Variants in SLC19A1 observed in about 807,000 individuals in gnomAD.
The protein encoded by SLC19A1 is reduced folate transporter.
In SLC19A1, 37 loss-of-function variants were observed where a neutral mutation model predicts 35.3. The ratio of observed to expected loss-of-function variants is 1.05; its 90% CI spans 0.81 to 1.38. The LOEUF is 1.38. Ranked by LOEUF, SLC19A1 falls within the 40% of genes most tolerant of loss-of-function variation. SLC19A1 has a pLI of 0.00. For synonymous variants in SLC19A1, 460 were observed against 398.5 expected, an observed-to-expected ratio of 1.15 and a Z score of -1.84; for missense variants, 831 against 826.9, an observed-to-expected ratio of 1.00 and a Z score of -0.06.
At chr21:45,509,991 G>T, downstream of SLC19A1, 1 of 1,498,750 alleles carries the variant, frequency 6.7e-7, no homozygotes, top group Admixed American at 2.0e-5. Flanking sequence ...TGCGGGGCCG[G>T]GGTGGTGCGC....
At chr21:45,507,573 A>C, downstream of SLC19A1, 1 of 1,613,050 alleles carries the variant, frequency 6.2e-7, no homozygotes, top group Non-Finnish European at 8.5e-7. Flanking sequence ...GGAGGCCCGG[A>C]CACCACTCCC....
In SLC19A1 at chr21:45,530,679, G is replaced by A. The variant is rs2077841685; in HGVS notation, c.1151+91C>T. ...GGGCCAGCAGTGGCACAGCCGCTGG[G>A]GCGCAGCAGGAAGGTGGGAGCACCC... is the stretch of plus-strand genomic sequence containing the variant. On this transcript the variant is annotated intron_variant, in intron 4 of 5. Coordinates refer to ENST00000311124, the MANE Select transcript of SLC19A1 (RefSeq NM_194255.4). The surrounding 1 kb of genome is among the most constrained non-coding windows in gnomAD (Gnocchi z 5.3). 1 of 1,349,938 alleles carries A rather than the reference G, an allele frequency of 7.4e-7. No individual in the cohort carries two copies. Among genetic ancestry groups the A allele is most frequent in the Non-Finnish European group, 1.0e-6 (1 of 985,400 alleles). 83.6% of individuals were successfully genotyped at this position (1,349,938 alleles called of 1,614,324 possible).
intron 1 of SLC19A1, among the ~76,000 whole-genome samples, chr21:45,557,008 G>A (rs137895027): frequency 4.9e-4 from 75 of 152,302 alleles, no homozygotes; most frequent in African/African-American, 1.7e-3. Flanking sequence ...TGGCTACTCC[G>A]AGAGGCCTCT....
chr21:45,562,574 T>G (rs2078625805), intron 1 of SLC19A1, among the ~76,000 whole-genome samples: 1 of 152,166 alleles, frequency 6.6e-6, no homozygotes, highest in Non-Finnish European at 1.5e-5. Context: ...GACCTAGAGC[T>G]GCCGGAGCTC....
chr21:45,525,754 G>C, intron 5 of SLC19A1, 63 bp downstream of exon 5: 2 of 1,573,874 alleles, frequency 1.3e-6, no homozygotes, highest in Non-Finnish European at 1.7e-6. Flanking sequence ...GCACCAGGAG[G>C]CCTCAACAAT....
chr21:45,512,060 G>A (rs1172859486), downstream of SLC19A1: 3 of 1,005,982 alleles, frequency 3.0e-6, no homozygotes, highest in African/African-American at 1.6e-5. Flanking sequence ...TCCAGGTTGT[G>A]GGAGCCTCTG....
chr21:45,510,350 C>A, downstream of SLC19A1: 1 of 1,371,874 alleles, frequency 7.3e-7, no homozygotes, highest in East Asian at 2.5e-5. Context: ...CCCTCTAGGG[C>A]CTCTGGAGGC....
intron 5 of SLC19A1, among the ~76,000 whole-genome samples, chr21:45,521,222 G>C (rs892595517): frequency 1.3e-5 from 2 of 152,184 alleles, no homozygotes; most frequent in African/African-American, 4.8e-5. Context: ...TTGTCACCCA[G>C]TTTGTGATAT....
intron 3 of SLC19A1, chr21:45,504,495 G>T: frequency 6.6e-7 from 1 of 1,520,550 alleles, no homozygotes; most frequent in East Asian, 2.4e-5. Context: ...TTCGGCTCCA[G>T]CCTGCCCGGC....
At position 45,530,755 on chromosome 21, in the gene SLC19A1, C is replaced by A. The variant is rs772243901; in HGVS notation, c.1151+15G>T. On this transcript the variant is annotated intron_variant, in intron 4 of 5. Transcript: ENST00000311124. The surrounding 1 kb of genome is among the most constrained non-coding windows in gnomAD (Gnocchi z 5.3). ...CGCCTGCCCGCCCCCGGCTTCCCAC[C>A]CTTCTGGAACTCACGTGGCGATGGG... 3.9e-6 allele frequency: 6 copies of A among 1,550,176 alleles called. No homozygotes were observed. In the African/African-American group the frequency reaches 4.1e-5, roughly 11 times the overall value.
chr21:45,515,289 C>T lies in SLC19A1; in HGVS notation c.*369G>A. 5 of 1,479,420 alleles carry T rather than the reference C, an allele frequency of 3.4e-6. No homozygotes were observed. The highest frequency in any genetic ancestry group is 4.4e-6 in the Non-Finnish European group (5 of 1,128,576). 91.6% of individuals were successfully genotyped at this position (1,479,420 alleles called of 1,614,324 possible). ...TAGAGGGCTCACAACTCCTGTGGGG[C>T]CAGTGTCCCCTGAGCTGGTATCCAA... On this transcript the variant is annotated 3_prime_UTR_variant, in exon 6 of 6. Transcript: ENST00000311124.
chr21:45,510,926 A>ACC (rs1011955859), downstream of SLC19A1, among the ~76,000 whole-genome samples: 3 of 109,910 alleles, frequency 2.7e-5, no homozygotes, highest in African/African-American at 1.0e-4. Context: ...GCAGAACCCC[A>ACC]CCCCCCAAAA....
rs1568946883 is a variant in SLC19A1, at chr21:45,507,431, GCAGGGAGGGCACC to G, written c.498-8832_498-8820del. On this transcript the variant is annotated intron_variant, in intron 3 of 4. Transcript: ENST00000417954. ...ACAGGCTTGGAGGGGCAGGTGCTGG[GCAGGGAGGGCACC>G]CTCCTGTGGGCTGGGAGGGCCAGGT... The G allele has an allele frequency of 1.3e-4, 93 of 710,314 alleles. 3 individuals carry two copies. The South Asian group carries it at 1.4e-3, about 11-fold the overall frequency. 44.0% of individuals were successfully genotyped at this position (710,314 alleles called of 1,614,324 possible). A position where few individuals can be genotyped will look rare whatever the true frequency, so the allele number is the denominator to read the frequency against.
intron 1 of SLC19A1, among the ~76,000 whole-genome samples, chr21:45,555,170 G>A (rs1394462328): frequency 1.7e-4 from 13 of 76,062 alleles, no homozygotes; most frequent in Non-Finnish European, 3.0e-4. Context: ...CGGGGGCGGC[G>A]CAGGGGGCGG....
chr21:45,505,303 G>C (rs372722421), intron 3 of SLC19A1: 4 of 1,604,376 alleles, frequency 2.5e-6, no homozygotes, highest in Admixed American at 3.3e-5. Flanking sequence ...AGTGGGCCCC[G>C]GGCAGAGGCC....
At chr21:45,519,592 A>AAAAAC (rs1568976252) in intron 5 of SLC19A1, among the ~76,000 whole-genome samples, 1 of 139,820 alleles carries the variant, frequency 7.2e-6, no homozygotes, top group Non-Finnish European at 1.6e-5. Context: ...AAAAAAAAAA[A>AAAAAC]AAGACCAGGG....
rs1414866798 is a variant in SLC19A1, at chr21:45,540,307, C to A, written c.-50+2061G>T. ...GACAACCAGAGCAACCAGATCGCCG[C>A]AGACAACGGGGAGCCATCAGGAGCT... On this transcript the variant is annotated intron_variant, in intron 1 of 5. Transcript: ENST00000311124. The surrounding 1 kb of genome is among the most constrained non-coding windows in gnomAD (Gnocchi z 5.5). 6.6e-6 allele frequency among the ~76,000 whole-genome samples: 1 copy of A among 152,214 alleles called. No individual in the cohort carries two copies. Among genetic ancestry groups the A allele is most frequent in the Non-Finnish European group, 1.5e-5 (1 of 68,032 alleles).
At chr21:45,516,886 C>G (rs1047870390) in intron 5 of SLC19A1, among the ~76,000 whole-genome samples, 2 of 152,220 alleles carry the variant, frequency 1.3e-5, no homozygotes, top group African/African-American at 4.8e-5. Context: ...TGCAGCCCAT[C>G]GGCACCGGCA....
chr21:45,509,139 T>C (rs2037421151), downstream of SLC19A1, among the ~76,000 whole-genome samples: 1 of 152,028 alleles, frequency 6.6e-6, no homozygotes, highest in Admixed American at 6.6e-5. Context: ...CTGTGGGGCC[T>C]GAGCAGAGGT....
Sources: gnomAD v4.1 joint callset for allele counts (sites outside exome capture counted in the v4.1 genomes callset) on GRCh38, gnomAD v4.1.1 for gene constraint, Gnocchi (gnomAD v3.1) non-coding constraint, MANE v1.5 for transcripts, NCBI Gene and HGNC (gene_info 2026-07-23, HGNC 2026-07-21) for gene names.